The following ZNF521 variants were observed in gnomAD, a reference collection of about 807,000 sequenced individuals.
ZNF521 encodes LYST-interacting protein 3.
Under a neutral mutation model 105.5 loss-of-function variants are expected in ZNF521, and 14 were observed. The observed-to-expected ratio is 0.13, with a 90% CI of 0.09 to 0.21. ZNF521 has a LOEUF of 0.21. Among genes scored for constraint, ZNF521 ranks in the 10% least tolerant of loss-of-function variants. ZNF521 has a pLI of 1.00. For synonymous variants in ZNF521, 635 were observed against 606.0 expected (o/e 1.05, Z -0.70); for missense variants, 1,233 against 1,629.7 (o/e 0.76, Z 4.19).
chr18:25,100,095 T>C lies in ZNF521; in HGVS notation c.3659-8014A>G, dbSNP rs182974673. On this transcript the variant is annotated intron_variant, in intron 5 of 7. Transcript: ENST00000361524. ...CCTTTTCTTTTTTTCTTTCTTTCTT[T>C]TTTTTTTTTTTTAATCTTCTTCTTC... Among the ~76,000 whole-genome samples, 612 of 151,082 alleles carry C rather than the reference T, an allele frequency of 4.1e-3. 6 individuals are homozygous for C. The highest frequency in any genetic ancestry group is 0.017 in the East Asian group (87 of 5,174).
chr18:25,329,790 C>T (rs1303155934), intron 2 of ZNF521, among the ~76,000 whole-genome samples: 1 of 152,150 alleles, frequency 6.6e-6, no homozygotes, highest in African/African-American at 2.4e-5. Context: ...AAAGATGCTC[C>T]ACTGGTAACT....
intron 3 of ZNF521, among the ~76,000 whole-genome samples, chr18:25,236,866 T>C: frequency 6.6e-6 from 1 of 152,234 alleles, no homozygotes; most frequent in East Asian, 1.9e-4. Flanking sequence ...AAAGTATCTC[T>C]ACACAGGTCT....
chr18:25,334,803 C>T lies in ZNF521; in HGVS notation c.41-12616G>A, dbSNP rs115410080. ...GTAAACATAAAGAGGATAAAACATG[C>T]AGGCCTCCCCAGCTTCCCAGAGAAC... On this transcript the variant is annotated intron_variant, in intron 2 of 7. Coordinates refer to ENST00000361524, the MANE Select transcript of ZNF521 (RefSeq NM_015461.3). 5.1e-3 allele frequency among the ~76,000 whole-genome samples: 782 copies of T among 152,266 alleles called. 10 individuals carry two copies. The highest frequency in any genetic ancestry group is 0.018 in the African/African-American group (733 of 41,532).
intron 4 of ZNF521, among the ~76,000 whole-genome samples, chr18:25,208,358 A>C (rs8094272): frequency 0.18 from 28,128 of 152,198 alleles, 2,687 homozygotes; most frequent in East Asian, 0.31. Flanking sequence ...ACTAGACTCA[A>C]TCTAAACAGC....
chr18:25,240,120 C>G (rs185571982), intron 3 of ZNF521, among the ~76,000 whole-genome samples: 1 of 152,076 alleles, frequency 6.6e-6, no homozygotes. Context: ...TTCTGCACTC[C>G]GTTTTGAAAT....
At chr18:25,314,505 T>A (rs1912497134) in intron 3 of ZNF521, among the ~76,000 whole-genome samples, 1 of 152,228 alleles carries the variant, frequency 6.6e-6, no homozygotes, top group African/African-American at 2.4e-5. Flanking sequence ...ATGGACATAC[T>A]ACTTTACACT....
intron 5 of ZNF521, among the ~76,000 whole-genome samples, chr18:25,166,617 AG>A (rs1323397337): frequency 6.6e-6 from 1 of 152,184 alleles, no homozygotes. Context: ...TGTTGTTTGT[AG>A]ACTTTTAATA....
At chr18:25,190,019 A>G (rs999117180) in intron 5 of ZNF521, among the ~76,000 whole-genome samples, 2 of 152,176 alleles carry the variant, frequency 1.3e-5, no homozygotes, top group Admixed American at 6.5e-5. Flanking sequence ...TCCTGTACAG[A>G]TGGCTATTAA....
At chr18:25,342,265 C>A (rs760335242) in intron 2 of ZNF521, among the ~76,000 whole-genome samples, 5 of 152,210 alleles carry the variant, frequency 3.3e-5, no homozygotes, top group South Asian at 2.1e-4. Flanking sequence ...AAGTTGCACA[C>A]TGACAACCCC....
intron 3 of ZNF521, among the ~76,000 whole-genome samples, chr18:25,299,111 A>C (rs963948263): frequency 2.0e-5 from 3 of 152,224 alleles, no homozygotes; most frequent in Non-Finnish European, 4.4e-5. Flanking sequence ...ATCTGTCCCC[A>C]TGTATAAACA....
In ZNF521 at chr18:25,224,406, G is replaced by A; in HGVS notation, c.3512C>T (p.Thr1171Ile). ...HRELVPDSNS[T>I]QLKTPQVSPM... ...TGATACTTGGGGCGTTTTCAACTGT[G>A]TGCTGTTGCTGTCTGGCACGAGCTC... Residue 1171 changes from threonine (T) to isoleucine (I), a missense_variant, in exon 4 of 8, where the codon ACA becomes ATA. Thr to Ile is a moderately conservative substitution (Grantham distance 89, BLOSUM62 -1). Coordinates refer to ENST00000361524, the MANE Select transcript of ZNF521 (RefSeq NM_015461.3). 3 of 1,614,072 alleles carry A rather than the reference G, an allele frequency of 1.9e-6. No homozygotes were observed. Among genetic ancestry groups the A allele is most frequent in the Non-Finnish European group, 2.5e-6 (3 of 1,180,004 alleles).
At chr18:25,108,523 T>A (rs779713440) in intron 5 of ZNF521, among the ~76,000 whole-genome samples, 10 of 152,180 alleles carry the variant, frequency 6.6e-5, no homozygotes, top group Non-Finnish European at 1.0e-4. Context: ...AATTCATAGT[T>A]CTTATTCCAT....
At position 25,324,084 on chromosome 18, in the gene ZNF521, C is replaced by G. The variant is rs1056743620; in HGVS notation, c.41-1897G>C. ...TCTACACAGTGCCCATTTCGGTATACCAGGATTTAGACTGCTCATTCCTGG... is the reference window on the plus strand; with the variant it reads ...TCTACACAGTGCCCATTTCGGTATAGCAGGATTTAGACTGCTCATTCCTGG... On this transcript the variant is annotated intron_variant, in intron 2 of 7. Transcript: ENST00000361524. Among the ~76,000 whole-genome samples, 8 of 152,228 alleles carry G rather than the reference C, an allele frequency of 5.3e-5. No individual in the cohort carries two copies. In the East Asian group the frequency reaches 1.5e-3, roughly 29 times the overall value.
In ZNF521 at chr18:25,121,567, G is replaced by C. The variant is rs573354328; in HGVS notation, c.3659-29486C>G. ...CACCCAGCCAGAAAGTCTTAAAAAA[G>C]TGTTAGATGACATGAAATAACTGCA... On this transcript the variant is annotated intron_variant, in intron 5 of 7. Coordinates refer to ENST00000361524, the MANE Select transcript of ZNF521 (RefSeq NM_015461.3). 1.8e-4 allele frequency among the ~76,000 whole-genome samples: 27 copies of C among 152,084 alleles called. No homozygotes were observed. The East Asian group carries it at 5.0e-3, about 28-fold the overall frequency.
chr18:25,301,446 T>C (rs1911636634), intron 3 of ZNF521, among the ~76,000 whole-genome samples: 2 of 152,196 alleles, frequency 1.3e-5, no homozygotes, highest in African/African-American at 4.8e-5. Context: ...ACTAAAGTTT[T>C]TTAAAAAAGA....
intron 4 of ZNF521, chr18:25,201,407 T>G (rs1210299365): frequency 2.0e-5 from 3 of 152,204 alleles, no homozygotes; most frequent in African/African-American, 7.2e-5. Flanking sequence ...AAACCCTAAT[T>G]ACCACTTTCT....
intron 7 of ZNF521, among the ~76,000 whole-genome samples, chr18:25,063,583 C>T (rs189719336): frequency 2.6e-4 from 40 of 152,248 alleles, no homozygotes; most frequent in East Asian, 3.9e-4. Flanking sequence ...GGGTGGACGC[C>T]GGGTGGGAAA....
chr18:25,096,578 TCAATAAAAA>T (rs796654695), intron 5 of ZNF521, among the ~76,000 whole-genome samples: 110 of 152,230 alleles, frequency 7.2e-4, no homozygotes, highest in African/African-American at 2.6e-3. Context: ...TCCTTTTCCT[TCAATAAAAA>T]CAAAAATCTA....
At chr18:25,241,708 T>C (rs1350175558) in intron 3 of ZNF521, among the ~76,000 whole-genome samples, 1 of 152,152 alleles carries the variant, frequency 6.6e-6, no homozygotes, top group Non-Finnish European at 1.5e-5. Flanking sequence ...AGGGGGAAAA[T>C]GTGCACATCT....
Sources: gnomAD v4.1 joint callset for allele counts (sites outside exome capture counted in the v4.1 genomes callset) on GRCh38, gnomAD v4.1.1 for gene constraint, MANE v1.5 for transcripts, NCBI Gene and HGNC (gene_info 2026-07-23, HGNC 2026-07-21) for gene names.